The following ANK2 variants were observed in gnomAD, a reference collection of about 807,000 sequenced individuals.
ANK2 encodes ankyrin-2.
A neutral mutation model predicts 360.5 loss-of-function variants in ANK2; 83 were observed. The ratio of observed to expected loss-of-function variants is 0.23; its 90% CI spans 0.19 to 0.28. The LOEUF is 0.28. ANK2 is among the 10% of genes least tolerant of loss of function. ANK2 has a pLI of 1.00. For missense variants in ANK2, 4,201 were observed against 4,795.7 expected (o/e 0.88, Z 3.66); for synonymous variants, 1,740 against 1,759.5 (o/e 0.99, Z 0.28).
At chr4:113,122,919 T>G (rs2154372722) in intron 1 of ANK2, among the ~76,000 whole-genome samples, 1 of 150,880 alleles carries the variant, frequency 6.6e-6, no homozygotes, top group Non-Finnish European at 1.5e-5. Flanking sequence ...TATAAATAAA[T>G]TTATATATTT....
At chr4:112,718,776 T>C in the ANK2 span, among the ~76,000 whole-genome samples, 749 of 152,288 alleles carry the variant, frequency 4.9e-3, 6 homozygotes, top group African/African-American at 0.017. Context: ...TGGCTGGGAT[T>C]ACAGGCATGT....
intron 1 of ANK2, among the ~76,000 whole-genome samples, chr4:113,059,218 G>C (rs546971581): frequency 7.2e-5 from 11 of 152,270 alleles, no homozygotes; most frequent in African/African-American, 2.6e-4. Flanking sequence ...ACAGCAGTCT[G>C]CTTTAATGTT....
intron 1 of ANK2, among the ~76,000 whole-genome samples, chr4:112,873,322 T>A (rs377416701): frequency 1.3e-5 from 2 of 152,038 alleles, no homozygotes; most frequent in African/African-American, 4.8e-5. Flanking sequence ...CTAAGATCTT[T>A]TTTTGTTTAT....
At chr4:112,917,874 G>A (rs1178513435) in intron 2 of ANK2, among the ~76,000 whole-genome samples, 3 of 152,152 alleles carry the variant, frequency 2.0e-5, no homozygotes, top group Admixed American at 6.5e-5. Context: ...TAGCCAACAG[G>A]TTTTTACATA....
In ANK2 at chr4:113,287,969, T is replaced by C. The variant is rs29361; in HGVS notation, c.2178+266T>C. 0.028 allele frequency among the ~76,000 whole-genome samples: 4,191 copies of C among 152,300 alleles called. 82 individuals carry two copies. Among genetic ancestry groups the C allele is most frequent in the Non-Finnish European group, 0.038 (2,565 of 68,012 alleles). On this transcript the variant is annotated intron_variant, in intron 19 of 45. Transcript: ENST00000357077. Reference sequence around the variant, plus strand: ...TTAAGTCTATCCTCTCTCTTACTGCTTTAGCTAGTTCACATGACTTGCTGC... The same window carrying C: ...TTAAGTCTATCCTCTCTCTTACTGCCTTAGCTAGTTCACATGACTTGCTGC...
At chr4:112,999,743 T>A (rs1017907669) in intron 2 of ANK2, among the ~76,000 whole-genome samples, 7 of 149,580 alleles carry the variant, frequency 4.7e-5, no homozygotes, top group African/African-American at 1.7e-4. Context: ...AGGTTTTGGC[T>A]AAGGATTTTA....
intron 2 of ANK2, among the ~76,000 whole-genome samples, chr4:112,990,973 A>G (rs953773184): frequency 1.3e-5 from 2 of 152,016 alleles, no homozygotes; most frequent in African/African-American, 4.8e-5. Flanking sequence ...CCTATTGGGC[A>G]AGGCTCAGTG....
chr4:112,972,359 A>G (rs56154447), intron 2 of ANK2, among the ~76,000 whole-genome samples: 39,831 of 151,732 alleles, frequency 0.26, 5,586 homozygotes, highest in East Asian at 0.43. Context: ...CTCACCCCTC[A>G]ACAGGCCCCG....
chr4:113,141,959 C>T (rs1277441044), intron 1 of ANK2, among the ~76,000 whole-genome samples: 1 of 152,178 alleles, frequency 6.6e-6, no homozygotes, highest in African/African-American at 2.4e-5. Context: ...AAATATGTCA[C>T]GTCATGGAGG....
chr4:112,809,569 A>C, the ANK2 span, among the ~76,000 whole-genome samples: 1 of 127,582 alleles, frequency 7.8e-6, no homozygotes, highest in Admixed American at 8.6e-5. Context: ...TAAAAAAAAA[A>C]TAAATCAATA....
chr4:112,763,387 G>T, the ANK2 span, among the ~76,000 whole-genome samples: 2 of 148,074 alleles, frequency 1.4e-5, no homozygotes, highest in South Asian at 4.3e-4. Context: ...CGCCACCACG[G>T]CCGGATAATT....
the ANK2 span, among the ~76,000 whole-genome samples, chr4:112,751,339 T>C: frequency 6.6e-6 from 1 of 152,168 alleles, no homozygotes; most frequent in Admixed American, 6.5e-5. Flanking sequence ...AGTAGCACAG[T>C]TAACAGCACT....
intron 26 of ANK2, among the ~76,000 whole-genome samples, chr4:113,328,830 G>A (rs949126636): frequency 2.6e-5 from 4 of 152,152 alleles, no homozygotes; most frequent in African/African-American, 9.7e-5. Flanking sequence ...AATGAGTTCT[G>A]TGTTCCGCTT....
chr4:112,734,954 C>T, the ANK2 span, among the ~76,000 whole-genome samples: 6 of 152,012 alleles, frequency 3.9e-5, no homozygotes, highest in African/African-American at 1.5e-4. Flanking sequence ...ATTAGCTGTT[C>T]CTAATGATAC....
chr4:112,732,054 C>T, the ANK2 span, among the ~76,000 whole-genome samples: 1 of 152,186 alleles, frequency 6.6e-6, no homozygotes, highest in Non-Finnish European at 1.5e-5. Flanking sequence ...CTAGTTGACT[C>T]ATGTTGGTGG....
intron 28 of ANK2, among the ~76,000 whole-genome samples, chr4:113,332,343 T>A (rs764698292): frequency 1.3e-5 from 2 of 152,220 alleles, no homozygotes; most frequent in African/African-American, 4.8e-5. Context: ...GTGCTAGTTA[T>A]GATGTTGTTA....
At chr4:112,737,327 A>G in the ANK2 span, among the ~76,000 whole-genome samples, 1 of 152,210 alleles carries the variant, frequency 6.6e-6, no homozygotes, top group East Asian at 1.9e-4. Flanking sequence ...TCTCTCTGTA[A>G]ATCTGCTGCC....
chr4:112,997,424 A>C (rs1578641568), intron 2 of ANK2, among the ~76,000 whole-genome samples: 1 of 152,062 alleles, frequency 6.6e-6, no homozygotes, highest in Non-Finnish European at 1.5e-5. Flanking sequence ...TCTATCCTCC[A>C]AAAACTACTG....
chr4:113,121,466 T>C (rs1268546182), intron 1 of ANK2, among the ~76,000 whole-genome samples: 3 of 152,320 alleles, frequency 2.0e-5, no homozygotes, highest in Admixed American at 2.0e-4. Context: ...AATTAAATGA[T>C]GAATTTGAGG....
Sources: allele counts gnomAD v4.1 joint callset (sites outside exome capture counted in the v4.1 genomes callset), GRCh38; gene constraint gnomAD v4.1.1; transcripts MANE v1.5; gene names NCBI Gene and HGNC (gene_info 2026-07-23, HGNC 2026-07-21).